Variants in KCNQ1 observed in about 807,000 individuals in gnomAD.
KCNQ1 encodes the protein potassium voltage-gated channel subfamily KQT member 1.
In KCNQ1, 49 loss-of-function variants were observed where a neutral mutation model predicts 72.4. The observed-to-expected ratio is 0.68, with a 90% CI of 0.54 to 0.86. KCNQ1 has a LOEUF of 0.86. KCNQ1 is among the 40% of genes least tolerant of loss of function. The pLI, the probability that KCNQ1 is intolerant of heterozygous loss-of-function variation, is 0.00. For synonymous variants in KCNQ1, 450 were observed against 412.6 expected (o/e 1.09, Z -1.10); for missense variants, 790 against 945.1 (o/e 0.84, Z 2.15).
chr11:2,648,577 A>G, intron 10 of KCNQ1: 1 of 398,490 alleles, frequency 2.5e-6, no homozygotes, highest in Admixed American at 4.4e-5. Context: ...TATCTGTTCA[A>G]TTTCAGAAGT....
chr11:2,738,918 G>C (rs1457756901), intron 11 of KCNQ1, among the ~76,000 whole-genome samples: 2 of 152,258 alleles, frequency 1.3e-5, no homozygotes, highest in East Asian at 1.9e-4. Flanking sequence ...CCTGCGGCCA[G>C]GTGGGTGAGC....
rs1461569565 is a variant in KCNQ1, at chr11:2,699,498, GCGC to G, written c.1514+37418_1514+37420del. 6 of 179,776 alleles carry G rather than the reference GCGC, an allele frequency of 3.3e-5. No individual in the cohort carries two copies. The East Asian group carries it at 5.3e-3, about 159-fold the overall frequency. The allele number at this position is 179,776 out of a possible 1,614,324, so 11.1% of individuals were successfully genotyped here. A position where few individuals can be genotyped will look rare whatever the true frequency, so the allele number is the denominator to read the frequency against. Reference sequence around the variant, plus strand: ...CTGAGGAGCCCCCGGGGAGAGTGCCGCGCTGAGGAGCCCCCAGGAGAGTGCCGC... The same window carrying G: ...CTGAGGAGCCCCCGGGGAGAGTGCCGTGAGGAGCCCCCAGGAGAGTGCCGC... On this transcript the variant is annotated intron_variant, in intron 11 of 15. Coordinates refer to ENST00000155840, the MANE Select transcript of KCNQ1 (RefSeq NM_000218.3).
chr11:2,847,935 C>A lies in KCNQ1; in HGVS notation c.1963C>A (p.Pro655Thr). The A allele has an allele frequency of 6.4e-7, 1 of 1,573,400 alleles. No individual in the cohort carries two copies. The highest frequency in any genetic ancestry group is 8.6e-7 in the Non-Finnish European group (1 of 1,158,854). ...CTCCGTCGACCCTGAGCTCTTCCTG[C>A]CCAGCAACACCCTGCCCACCTACGA... is the stretch of plus-strand genomic sequence containing the variant. The part of the protein sequence containing the change: ...GGSVDPELFL[P>T]SNTLPTYEQL... The change falls in exon 16 of 16, where the codon CCC (proline) becomes ACC (threonine). Residue 655 changes from proline (P) to threonine (T), a missense_variant. Physicochemically the swap from Pro to Thr is conservative, Grantham distance 38. Around this residue, in one of 5 missense-constraint regions of KCNQ1, gnomAD observed 94 missense variants for 85.2 expected, o/e 1.10. Coordinates refer to ENST00000155840, the MANE Select transcript of KCNQ1 (RefSeq NM_000218.3).
rs1848682358 is a variant in KCNQ1 at position 2,592,421 on chromosome 11, T to C, written c.1393+3567T>C. Among the ~76,000 whole-genome samples, 1 of 152,074 alleles carries C rather than the reference T, an allele frequency of 6.6e-6. No individual in the cohort carries two copies. Among genetic ancestry groups the C allele is most frequent in the Non-Finnish European group, 1.5e-5 (1 of 67,994 alleles). ...CAGCAAAAATGGGCTGTGTGGTCCCTGTAGAGCAGCCTCACTGAGGGGAGG... is the reference window on the plus strand; with the variant it reads ...CAGCAAAAATGGGCTGTGTGGTCCCCGTAGAGCAGCCTCACTGAGGGGAGG... On this transcript the variant is annotated intron_variant, in intron 10 of 15. Transcript: ENST00000155840. The surrounding 1 kb of genome is among the most constrained non-coding windows in gnomAD (Gnocchi z 5.2).
In KCNQ1 at chr11:2,657,986, CACTGTAAGTGAA is replaced by C; in HGVS notation, c.1394-3974_1394-3963del. On this transcript the variant is annotated intron_variant, in intron 10 of 15. Coordinates refer to ENST00000155840, the MANE Select transcript of KCNQ1 (RefSeq NM_000218.3). The surrounding 1 kb of genome is among the most constrained non-coding windows in gnomAD (Gnocchi z 4.8). ...TAAAGTGGTGTCGGCCAGGCTCCTC[CACTGTAAGTGAA>C]TAGCTGTTTTTCCCTTTCCATAGCT... 1 of 398,584 alleles carries C rather than the reference CACTGTAAGTGAA, an allele frequency of 2.5e-6. No individual in the cohort carries two copies. Among genetic ancestry groups the C allele is most frequent in the Non-Finnish European group, 4.4e-6 (1 of 226,052 alleles). The allele number at this position is 398,584 out of a possible 1,614,324, so 24.7% of individuals were successfully genotyped here. A position where few individuals can be genotyped will look rare whatever the true frequency, so the allele number is the denominator to read the frequency against.
chr11:2,481,225 A>G lies in KCNQ1; in HGVS notation c.386+35741A>G, dbSNP rs943719122. Among the ~76,000 whole-genome samples, 4 of 152,286 alleles carry G rather than the reference A, an allele frequency of 2.6e-5. No homozygotes were observed. Among genetic ancestry groups the G allele is most frequent in the African/African-American group, 9.6e-5 (4 of 41,562 alleles). ...TGCTTTTAGTAGATCAGTTTTTCTG[A>G]TTGTAAAGTTCAGAAATGTTAATCA... On this transcript the variant is annotated intron_variant, in intron 1 of 15. Transcript: ENST00000155840. This position sits in a 1 kb window ranked among gnomAD's most constrained non-coding sequence, Gnocchi z 4.6.
rs535180664 is a variant in KCNQ1 at position 2,626,071 on chromosome 11, G to A, written c.1394-35890G>A. 2 of 398,540 alleles carry A rather than the reference G, an allele frequency of 5.0e-6. No homozygotes were observed. The highest frequency in any genetic ancestry group is 8.8e-6 in the Non-Finnish European group (2 of 226,050). 24.7% of individuals were successfully genotyped at this position (398,540 alleles called of 1,614,324 possible). A position where few individuals can be genotyped will look rare whatever the true frequency, so the allele number is the denominator to read the frequency against. On this transcript the variant is annotated intron_variant, in intron 10 of 15. Transcript: ENST00000155840. The surrounding 1 kb of genome is among the most constrained non-coding windows in gnomAD (Gnocchi z 4.0). ...TTATCTAGTTTTACTTTTATTGCCTGTGCAAGTACAATTTATCTATTTTTA... is the reference window on the plus strand; with the variant it reads ...TTATCTAGTTTTACTTTTATTGCCTATGCAAGTACAATTTATCTATTTTTA...
In KCNQ1 at chr11:2,651,558, T is replaced by G. The variant is rs1189520056; in HGVS notation, c.1394-10403T>G. On this transcript the variant is annotated intron_variant, in intron 10 of 15. Transcript: ENST00000155840. The surrounding 1 kb of genome is among the most constrained non-coding windows in gnomAD (Gnocchi z 6.1). Reference sequence around the variant, plus strand: ...TGTGTCCCTGAGAACATGGATATTGTGTTCTTTACCTCCATGTCTCCAGTG... The same window carrying G: ...TGTGTCCCTGAGAACATGGATATTGGGTTCTTTACCTCCATGTCTCCAGTG... 5.0e-6 allele frequency: 2 copies of G among 398,626 alleles called. No individual in the cohort carries two copies. Among genetic ancestry groups the G allele is most frequent in the East Asian group, 7.1e-5 (2 of 28,074 alleles). 24.7% of individuals were successfully genotyped at this position (398,626 alleles called of 1,614,324 possible). A position where few individuals can be genotyped will look rare whatever the true frequency, so the allele number is the denominator to read the frequency against.
chr11:2,740,725 G>A (rs552611633), intron 11 of KCNQ1, among the ~76,000 whole-genome samples: 20 of 152,314 alleles, frequency 1.3e-4, no homozygotes, highest in African/African-American at 4.3e-4. Flanking sequence ...TCCTAGGGGC[G>A]CCCACATCCC....
intron 10 of KCNQ1, chr11:2,629,538 C>G (rs1048754916): frequency 5.0e-6 from 2 of 398,276 alleles, no homozygotes; most frequent in Non-Finnish European, 8.9e-6. Context: ...CGACTTCATT[C>G]TCTCACGTGA....
Position 2,748,915 on chromosome 11 carries a change from T to G in KCNQ1, c.1515-19929T>G, listed in dbSNP as rs1846180729. On this transcript the variant is annotated intron_variant, in intron 11 of 15. Coordinates refer to ENST00000155840, the MANE Select transcript of KCNQ1 (RefSeq NM_000218.3). This position sits in a 1 kb window ranked among gnomAD's most constrained non-coding sequence, Gnocchi z 6.2. ...AGTGCCCTCTTCCCCTCTTTGCGGT[T>G]GTCACCCTGTCCTTGAGTCTAACTG... Among the ~76,000 whole-genome samples, 1 of 152,250 alleles carries G rather than the reference T, an allele frequency of 6.6e-6. No homozygotes were observed. Among genetic ancestry groups the G allele is most frequent in the Non-Finnish European group, 1.5e-5 (1 of 68,040 alleles).
At chr11:2,591,414 C>T (rs555190262) in intron 10 of KCNQ1, among the ~76,000 whole-genome samples, 9 of 152,230 alleles carry the variant, frequency 5.9e-5, no homozygotes, top group African/African-American at 2.2e-4. Flanking sequence ...AGTGAGCCCC[C>T]GGGACGTGCT....
chr11:2,571,591 G>A (rs1388743223), intron 4 of KCNQ1, among the ~76,000 whole-genome samples, 188 bp downstream of exon 4: 3 of 152,130 alleles, frequency 2.0e-5, no homozygotes, highest in African/African-American at 7.2e-5. Flanking sequence ...AGTGTGGAGG[G>A]CACGGCTCAA....
chr11:2,814,264 AGGATGGATGGATGGTG>A (rs545011700), intron 15 of KCNQ1, among the ~76,000 whole-genome samples: 2,220 of 150,400 alleles, frequency 0.015, 46 homozygotes, highest in African/African-American at 0.049. Flanking sequence ...GGCTGAATAA[AGGATGGATGGATGGTG>A]GGATGGATGG....
At chr11:2,688,857 G>C (rs547935717) in intron 11 of KCNQ1, 8 of 399,042 alleles carry the variant, frequency 2.0e-5, no homozygotes, top group Non-Finnish European at 3.5e-5. Context: ...GAGAGGGCTG[G>C]GCCAGAGGTC....
In KCNQ1 at chr11:2,847,880, C is replaced by A; in HGVS notation, c.1908C>A (p.Ala636=). 1 of 1,580,772 alleles carries A rather than the reference C, an allele frequency of 6.3e-7. No individual in the cohort carries two copies. The highest frequency in any genetic ancestry group is 2.3e-5 in the East Asian group (1 of 42,862). ...GCGGCCCCCCCAGAGAGGGCGGGGCCCACATCACCCAGCCCTGCGGCAGTG... is the reference window on the plus strand; with the variant it reads ...GCGGCCCCCCCAGAGAGGGCGGGGCACACATCACCCAGCCCTGCGGCAGTG... ...GSGGPPREGG[A]HITQPCGSGG... is the part of the protein sequence containing the mutation. Residue 636 remains alanine (A), a synonymous_variant, in exon 16 of 16, where the codon GCC becomes GCA. Coordinates refer to ENST00000155840, the MANE Select transcript of KCNQ1 (RefSeq NM_000218.3).
In KCNQ1 at chr11:2,464,485, C is replaced by A. The variant is rs539885664; in HGVS notation, c.386+19001C>A. Reference sequence around the variant, plus strand: ...AGTGTGATTTGACCTAGGAGAGTGCCGGGGTGGGGGCAGGTGCACTGTGGT... The same window carrying A: ...AGTGTGATTTGACCTAGGAGAGTGCAGGGGTGGGGGCAGGTGCACTGTGGT... On this transcript the variant is annotated intron_variant, in intron 1 of 15. Coordinates refer to ENST00000155840, the MANE Select transcript of KCNQ1 (RefSeq NM_000218.3). This position sits in a 1 kb window ranked among gnomAD's most constrained non-coding sequence, Gnocchi z 5.0. 6.6e-6 allele frequency among the ~76,000 whole-genome samples: 1 copy of A among 152,114 alleles called. No individual in the cohort carries two copies. The highest frequency in any genetic ancestry group is 1.9e-4 in the East Asian group (1 of 5,178).
chr11:2,633,358 T>C (rs1174581219), intron 10 of KCNQ1: 3 of 398,408 alleles, frequency 7.5e-6, no homozygotes, highest in East Asian at 7.1e-5. Flanking sequence ...TCCTTTTATG[T>C]GTAGGTTTTT....
rs2133892866 is a variant in KCNQ1 at position 2,691,725 on chromosome 11, G to A, written c.1514+29644G>A. ...TGTCCAGGGGAGAGGCAGCCCACAGGGAGCCACACAGGCAGGGGACATTCC... is the reference window on the plus strand; with the variant it reads ...TGTCCAGGGGAGAGGCAGCCCACAGAGAGCCACACAGGCAGGGGACATTCC... On this transcript the variant is annotated intron_variant, in intron 11 of 15. Coordinates refer to ENST00000155840, the MANE Select transcript of KCNQ1 (RefSeq NM_000218.3). This position sits in a 1 kb window ranked among gnomAD's most constrained non-coding sequence, Gnocchi z 6.4. The A allele has an allele frequency of 2.5e-6, 1 of 398,578 alleles. No individual in the cohort carries two copies. The highest frequency in any genetic ancestry group is 3.6e-5 in the East Asian group (1 of 28,042). The allele number at this position is 398,578 out of a possible 1,614,324, so 24.7% of individuals were successfully genotyped here. A position where few individuals can be genotyped will look rare whatever the true frequency, so the allele number is the denominator to read the frequency against.
Sources: allele counts gnomAD v4.1 joint callset (sites outside exome capture counted in the v4.1 genomes callset), GRCh38; gene constraint gnomAD v4.1.1; regional missense constraint gnomAD v4.1.1; non-coding constraint Gnocchi (gnomAD v3.1); transcripts MANE v1.5; gene names NCBI Gene and HGNC (gene_info 2026-07-23, HGNC 2026-07-21).